The following PRKCG variants were observed in gnomAD, a reference collection of about 807,000 sequenced individuals.
PRKCG encodes protein kinase C gamma.
A neutral mutation model predicts 82.0 loss-of-function variants in PRKCG; 28 were observed. The ratio of observed to expected loss-of-function variants is 0.34; its 90% CI spans 0.25 to 0.47. PRKCG has a LOEUF of 0.47. Among genes scored for constraint, PRKCG ranks in the 20% least tolerant of loss-of-function variants. The probability of loss-of-function intolerance (pLI) is 1.00; values close to 1 mark genes in which losing one functional copy is unlikely to be tolerated. For missense variants in PRKCG, 640 were observed against 952.7 expected (o/e 0.67, Z 4.32); for synonymous variants, 383 against 376.6 (o/e 1.02, Z -0.20).
Position 53,907,038 on chromosome 19 carries a change from C to T in PRKCG, c.*143C>T, listed in dbSNP as rs1422188350. 4 of 1,526,686 alleles carry T rather than the reference C, an allele frequency of 2.6e-6. No individual in the cohort carries two copies. Among genetic ancestry groups the T allele is most frequent in the South Asian group, 1.2e-5 (1 of 81,782 alleles). The allele number at this position is 1,526,686 out of a possible 1,614,324, so 94.6% of individuals were successfully genotyped here. A position where few individuals can be genotyped will look rare whatever the true frequency, so the allele number is the denominator to read the frequency against. ...CAGCTCTGCCCCCGCGGGTTCTAGA[C>T]GCCCCTCCCAAGCGTTCCTGGCCTT... On this transcript the variant is annotated 3_prime_UTR_variant, in exon 18 of 18. Coordinates refer to ENST00000263431, the MANE Select transcript of PRKCG (RefSeq NM_002739.5).
At position 53,893,312 on chromosome 19, in the gene PRKCG, C is replaced by A. The variant is rs373948184; in HGVS notation, c.910-50C>A. On this transcript the variant is annotated intron_variant, in intron 8 of 17. Transcript: ENST00000263431. ...GGGGCCACCAGCCCCTGTTCTAGGG[C>A]GATCCCCTGCATCTCTTGGGACCCT... The A allele has an allele frequency of 3.9e-5, 62 of 1,577,042 alleles. 1 individual carries two copies.
In PRKCG at chr19:53,900,565, C is replaced by T; in HGVS notation, c.1437-46C>T. Reference sequence around the variant, plus strand: ...GAATATGTGGCTCTAGACTGCTGAACTCAACACTTCTTGCAATTCCTGCCC... The same window carrying T: ...GAATATGTGGCTCTAGACTGCTGAATTCAACACTTCTTGCAATTCCTGCCC... On this transcript the variant is annotated intron_variant, in intron 13 of 17. Transcript: ENST00000263431. The surrounding 1 kb of genome is among the most constrained non-coding windows in gnomAD (Gnocchi z 4.2). 6.2e-7 allele frequency: 1 copy of T among 1,614,222 alleles called. No individual in the cohort carries two copies. The highest frequency in any genetic ancestry group is 8.5e-7 in the Non-Finnish European group (1 of 1,180,048).
In PRKCG at chr19:53,882,362, G is replaced by A; in HGVS notation, c.-133G>A. 2 of 1,354,922 alleles carry A rather than the reference G, an allele frequency of 1.5e-6. No individual in the cohort carries two copies. The highest frequency in any genetic ancestry group is 2.0e-6 in the Non-Finnish European group (2 of 983,624). 83.9% of individuals were successfully genotyped at this position (1,354,922 alleles called of 1,614,324 possible). On this transcript the variant is annotated 5_prime_UTR_variant, in exon 1 of 18. Coordinates refer to ENST00000263431, the MANE Select transcript of PRKCG (RefSeq NM_002739.5). This position sits in a 1 kb window ranked among gnomAD's most constrained non-coding sequence, Gnocchi z 6.1. ...CCTGGCGCGCTCCGCACCTGGAGGT[G>A]CCTTGCCCCTCTCCTGCCCACCTCG...
rs752130021 is a variant in PRKCG at position 53,893,483 on chromosome 19, A to C, written c.939+92A>C. 6.7e-6 allele frequency: 9 copies of C among 1,339,286 alleles called. No individual in the cohort carries two copies. In the South Asian group the frequency reaches 9.4e-5, roughly 14 times the overall value. The allele number at this position is 1,339,286 out of a possible 1,614,324, so 83.0% of individuals were successfully genotyped here. A position where few individuals can be genotyped will look rare whatever the true frequency, so the allele number is the denominator to read the frequency against. On this transcript the variant is annotated intron_variant, in intron 9 of 17. Coordinates refer to ENST00000263431, the MANE Select transcript of PRKCG (RefSeq NM_002739.5). ...CTGACTTCTGTCTTCAATTCCCCAC[A>C]CATGAGTTGAGCACACATTTGTGCT...
Position 53,891,781 on chromosome 19 carries a change from C to T in PRKCG, c.637C>T (p.Arg213Ter), listed in dbSNP as rs750289253. ...DPRNLTKQKT[R>*]TVKATLNPVW... ...TCGGAACCTGACGAAACAGAAGACC[C>T]GAACGGTGAAAGCCACGCTAAACCC... is the stretch of plus-strand genomic sequence containing the variant. Residue 213 changes from arginine (R) to a stop codon, truncating the protein, a stop_gained, in exon 6 of 18, where the codon CGA becomes TGA. Transcript: ENST00000263431. LOFTEE classifies it high-confidence loss of function. 6 of 1,614,076 alleles carry T rather than the reference C, an allele frequency of 3.7e-6. No homozygotes were observed. Among genetic ancestry groups the T allele is most frequent in the Admixed American group, 3.3e-5 (2 of 59,992 alleles).
chr19:53,901,632 A>T (rs1417881366), intron 14 of PRKCG, among the ~76,000 whole-genome samples: 1 of 149,324 alleles, frequency 6.7e-6, no homozygotes, highest in Non-Finnish European at 1.5e-5. Flanking sequence ...CGGGCGGATC[A>T]CAAGGTCAGG....
intron 9 of PRKCG, 42 bp from the exon 10 acceptor site, chr19:53,897,917 A>G: frequency 6.2e-7 from 1 of 1,613,018 alleles, no homozygotes; most frequent in Non-Finnish European, 8.5e-7. Flanking sequence ...ATCGCTGTGT[A>G]AGGTCTAACT....
chr19:53,907,239 C>T lies in PRKCG; in HGVS notation c.*344C>T. On this transcript the variant is annotated 3_prime_UTR_variant, in exon 18 of 18. Coordinates refer to ENST00000263431, the MANE Select transcript of PRKCG (RefSeq NM_002739.5). Reference sequence around the variant, plus strand: ...CATCTTGGTAGTTCTGTGCCTCCCCCCAGACCCCGCCCCTGGGGAAATAGC... The same window carrying T: ...CATCTTGGTAGTTCTGTGCCTCCCCTCAGACCCCGCCCCTGGGGAAATAGC... 5.2e-6 allele frequency: 2 copies of T among 381,510 alleles called. No individual in the cohort carries two copies. The highest frequency in any genetic ancestry group is 8.3e-5 in the Admixed American group (2 of 24,082). 23.6% of individuals were successfully genotyped at this position (381,510 alleles called of 1,614,324 possible).
At chr19:53,897,356 C>A (rs577384020) in intron 9 of PRKCG, among the ~76,000 whole-genome samples, 2 of 152,224 alleles carry the variant, frequency 1.3e-5, no homozygotes, top group East Asian at 3.9e-4. Context: ...CCCTGGGGGG[C>A]CGAGGCAGGA....
intron 16 of PRKCG, among the ~76,000 whole-genome samples, chr19:53,905,564 G>A (rs897281294): frequency 1.3e-5 from 2 of 150,664 alleles, no homozygotes; most frequent in African/African-American, 4.9e-5. Flanking sequence ...CCTTCTCTGA[G>A]TTTCTGCCTT....
chr19:53,883,316 G>A lies in PRKCG; in HGVS notation c.202+122G>A. 3 of 1,211,558 alleles carry A rather than the reference G, an allele frequency of 2.5e-6. No homozygotes were observed. The highest frequency in any genetic ancestry group is 2.4e-5 in the East Asian group (1 of 41,502). The allele number at this position is 1,211,558 out of a possible 1,614,324, so 75.1% of individuals were successfully genotyped here. A position where few individuals can be genotyped will look rare whatever the true frequency, so the allele number is the denominator to read the frequency against. ...AGAGAGGCGCGGGGGAGCCCGGGGC[G>A]GGGGGTGTGGCAGAGACACAGCCTG... On this transcript the variant is annotated intron_variant, in intron 2 of 17. Transcript: ENST00000263431. This position sits in a 1 kb window ranked among gnomAD's most constrained non-coding sequence, Gnocchi z 5.4.
chr19:53,894,066 G>GT (rs978247638), intron 9 of PRKCG, among the ~76,000 whole-genome samples: 1 of 149,846 alleles, frequency 6.7e-6, no homozygotes, highest in Non-Finnish European at 1.5e-5. Context: ...CGATTCTTGA[G>GT]TTTTTTATTT....
rs1327296467 is a variant in PRKCG at position 53,907,113 on chromosome 19, G to A, written c.*218G>A. On this transcript the variant is annotated 3_prime_UTR_variant, in exon 18 of 18. Coordinates refer to ENST00000263431, the MANE Select transcript of PRKCG (RefSeq NM_002739.5). ...CCGTCCCGCGTTCAAGACTTGAGCG[G>A]AGCCCGATATTCTCCCTGACCTTAG... The A allele has an allele frequency of 4.5e-6, 5 of 1,107,044 alleles. No individual in the cohort carries two copies. Among genetic ancestry groups the A allele is most frequent in the Non-Finnish European group, 5.1e-6 (4 of 790,472 alleles). The allele number at this position is 1,107,044 out of a possible 1,614,324, so 68.6% of individuals were successfully genotyped here.
rs559320176 is a variant in PRKCG, at chr19:53,900,605, G to A, written c.1437-6G>A. 9 of 1,614,074 alleles carry A rather than the reference G, an allele frequency of 5.6e-6. No homozygotes were observed. The highest frequency in any genetic ancestry group is 2.2e-5 in the South Asian group (2 of 91,092). ...AATTCCTGCCCCACACCCCTGCATC[G>A]TCCAGGGACCTGAAGCTGGACAATG... On this transcript the variant is annotated splice_polypyrimidine_tract_variant and splice_region_variant and intron_variant, in intron 13 of 17. Coordinates refer to ENST00000263431, the MANE Select transcript of PRKCG (RefSeq NM_002739.5). The surrounding 1 kb of genome is among the most constrained non-coding windows in gnomAD (Gnocchi z 4.2).
Position 53,895,673 on chromosome 19 carries a change from G to A in PRKCG, c.939+2282G>A, listed in dbSNP as rs73603620. On this transcript the variant is annotated intron_variant, in intron 9 of 17. Coordinates refer to ENST00000263431, the MANE Select transcript of PRKCG (RefSeq NM_002739.5). ...TAAAAGCACATTCCCCAGCCTTTCT[G>A]CAGACCTACTCAGTGACGATCTCTC... Among the ~76,000 whole-genome samples the A allele has an allele frequency of 9.3e-3, 1,418 of 152,238 alleles. 20 individuals carry two copies. Among genetic ancestry groups the A allele is most frequent in the African/African-American group, 0.031 (1,288 of 41,526 alleles).
At position 53,900,188 on chromosome 19, in the gene PRKCG, C is replaced by A; in HGVS notation, c.1282-45C>A. On this transcript the variant is annotated intron_variant, in intron 11 of 17. Coordinates refer to ENST00000263431, the MANE Select transcript of PRKCG (RefSeq NM_002739.5). The surrounding 1 kb of genome is among the most constrained non-coding windows in gnomAD (Gnocchi z 4.2). Reference sequence around the variant, plus strand: ...TGATCAGGAAAGAAATTCTCCTACTCTGGGTAGATGGATCCCGCCTCTAAG... The same window carrying A: ...TGATCAGGAAAGAAATTCTCCTACTATGGGTAGATGGATCCCGCCTCTAAG... 1 of 1,552,930 alleles carries A rather than the reference C, an allele frequency of 6.4e-7. No individual in the cohort carries two copies. The highest frequency in any genetic ancestry group is 8.9e-7 in the Non-Finnish European group (1 of 1,124,326).
chr19:53,906,086 T>TTCTTCC (rs2068806687), intron 16 of PRKCG, among the ~76,000 whole-genome samples: 2 of 65,744 alleles, frequency 3.0e-5, no homozygotes, highest in African/African-American at 2.5e-4. Flanking sequence ...CTCCTCCTCC[T>TTCTTCC]TCTTCTTCTT....
chr19:53,906,025 CCCTCCTCCTCCTCCTCCCT>C (rs1361196868), intron 16 of PRKCG, among the ~76,000 whole-genome samples: 5 of 79,600 alleles, frequency 6.3e-5, no homozygotes, highest in Non-Finnish European at 9.6e-5. Context: ...CTGTCTGTCT[CCCTCCTCCTCCTCCTCCCT>C]CCTCCTCCTC....
chr19:53,901,849 CAAAA>C (rs752402468), intron 14 of PRKCG, among the ~76,000 whole-genome samples: 3 of 69,072 alleles, frequency 4.3e-5, no homozygotes, highest in Non-Finnish European at 1.0e-4. Flanking sequence ...GACCCTGTCT[CAAAA>C]AAAAAAAAAA....
Sources: allele counts gnomAD v4.1 joint callset (sites outside exome capture counted in the v4.1 genomes callset), GRCh38; gene constraint gnomAD v4.1.1; non-coding constraint Gnocchi (gnomAD v3.1); transcripts MANE v1.5; gene names NCBI Gene and HGNC (gene_info 2026-07-23, HGNC 2026-07-21).